SLC9D1: variants seen among roughly 807,000 people sequenced by gnomAD.
The protein encoded by SLC9D1 is solute carrier family 9 member D1, also known as putative LAG1-interacting protein.
the SLC9D1 span, among the ~76,000 whole-genome samples, chr13:113,525,263 T>G: frequency 6.4e-4 from 97 of 152,320 alleles, no homozygotes; most frequent in African/African-American, 2.3e-3. Flanking sequence ...CAATTCCTGT[T>G]GCCTAGTGAG....
At chr13:113,522,116 G>T in the SLC9D1 span, among the ~76,000 whole-genome samples, 1 of 152,134 alleles carries the variant, frequency 6.6e-6, no homozygotes, top group Non-Finnish European at 1.5e-5. Flanking sequence ...TGTTGAAAAA[G>T]ATTGTGTAAG....
the SLC9D1 span, chr13:113,520,673 T>C: frequency 3.7e-6 from 6 of 1,614,092 alleles, no homozygotes; most frequent in South Asian, 6.6e-5. Context: ...GACGTGCAGC[T>C]CGGGCTCTTC....
the SLC9D1 span, among the ~76,000 whole-genome samples, chr13:113,500,894 G>T: frequency 1.3e-5 from 2 of 152,188 alleles, no homozygotes; most frequent in Non-Finnish European, 2.9e-5. Flanking sequence ...TGGGGCTGCC[G>T]AGTGACTCTG....
chr13:113,532,373 A>G, the SLC9D1 span, among the ~76,000 whole-genome samples: 78 of 152,274 alleles, frequency 5.1e-4, 1 homozygote, highest in Non-Finnish European at 1.0e-3. Context: ...TGTTGGGAGA[A>G]GAGTCTAGGG....
At chr13:113,520,578 T>A in the SLC9D1 span, 2 of 1,456,912 alleles carry the variant, frequency 1.4e-6, no homozygotes, top group African/African-American at 2.8e-5. Flanking sequence ...TACTTTTGAG[T>A]TGTCGTAGAC....
At chr13:113,539,833 G>A in the SLC9D1 span, among the ~76,000 whole-genome samples, 1 of 152,148 alleles carries the variant, frequency 6.6e-6, no homozygotes, top group African/African-American at 2.4e-5. The surrounding 1 kb of genome is among the most constrained non-coding windows in gnomAD (Gnocchi z 4.8). Flanking sequence ...ATAAGCATAG[G>A]ACCCTCGGCA....
chr13:113,544,599 C>T, the SLC9D1 span, among the ~76,000 whole-genome samples: 5 of 152,226 alleles, frequency 3.3e-5, no homozygotes, highest in East Asian at 1.9e-4. Flanking sequence ...TCCTCCAGAC[C>T]GGGCACTCAA....
the SLC9D1 span, among the ~76,000 whole-genome samples, chr13:113,536,240 T>C: frequency 6.6e-6 from 1 of 151,792 alleles, no homozygotes; most frequent in East Asian, 1.9e-4. Context: ...TACCTGGGCA[T>C]GGTGGCGCCT....
At chr13:113,503,382 TG>T in the SLC9D1 span, 5 of 635,136 alleles carry the variant, frequency 7.9e-6, no homozygotes, top group Non-Finnish European at 8.4e-6. Context: ...TGTGTGTGTG[TG>T]TATGTGTGTT....
chr13:113,549,827 C>G, the SLC9D1 span: 1 of 576,538 alleles, frequency 1.7e-6, no homozygotes, highest in African/African-American at 1.9e-5. Flanking sequence ...TTTTTTTTTC[C>G]CTGAAATTAT....
At chr13:113,505,395 AG>A in the SLC9D1 span, 4 of 152,250 alleles carry the variant, frequency 2.6e-5, no homozygotes, top group Non-Finnish European at 5.9e-5. Flanking sequence ...TACCCACAAA[AG>A]GTTTCACCTC....
chr13:113,541,336 C>G, the SLC9D1 span, among the ~76,000 whole-genome samples: 1 of 134,390 alleles, frequency 7.4e-6, no homozygotes, highest in Non-Finnish European at 1.5e-5. Flanking sequence ...GTGTGGATGC[C>G]ATGCACACGA....
At chr13:113,519,104 C>T in the SLC9D1 span, among the ~76,000 whole-genome samples, 2 of 149,096 alleles carry the variant, frequency 1.3e-5, no homozygotes, top group South Asian at 2.1e-4. Flanking sequence ...AGTGCAGTGG[C>T]GTGATCTCAG....
chr13:113,507,550 A>G, the SLC9D1 span, among the ~76,000 whole-genome samples: 1 of 152,196 alleles, frequency 6.6e-6, no homozygotes, highest in Non-Finnish European at 1.5e-5. Flanking sequence ...TACTTGGAAC[A>G]CTGAAGCCCC....
the SLC9D1 span, among the ~76,000 whole-genome samples, chr13:113,494,535 C>A: frequency 6.6e-6 from 1 of 152,136 alleles, no homozygotes; most frequent in Non-Finnish European, 1.5e-5. Flanking sequence ...AGGTTCCTGT[C>A]TGTGCTGTGC....
At chr13:113,491,678 C>T in the SLC9D1 span, among the ~76,000 whole-genome samples, 1 of 152,204 alleles carries the variant, frequency 6.6e-6, no homozygotes, top group African/African-American at 2.4e-5. Flanking sequence ...CACGTTCTAA[C>T]CTGGAATGGA....
At chr13:113,539,333 A>G in the SLC9D1 span, 3 of 1,607,646 alleles carry the variant, frequency 1.9e-6, no homozygotes, top group East Asian at 6.7e-5. The surrounding 1 kb of genome is among the most constrained non-coding windows in gnomAD (Gnocchi z 4.8). Context: ...GGTCTCATGT[A>G]AAGCTGCGTC....
At chr13:113,523,535 C>T in the SLC9D1 span, among the ~76,000 whole-genome samples, 6 of 152,270 alleles carry the variant, frequency 3.9e-5, no homozygotes, top group East Asian at 9.7e-4. Flanking sequence ...TAACTTGCAT[C>T]ATCTTTGTCT....
At chr13:113,535,438 C>T in the SLC9D1 span, among the ~76,000 whole-genome samples, 1 of 152,278 alleles carries the variant, frequency 6.6e-6, no homozygotes, top group East Asian at 1.9e-4. The surrounding 1 kb of genome is among the most constrained non-coding windows in gnomAD (Gnocchi z 4.1). Context: ...CTGTTCAGCC[C>T]GGCAGGTGCT....
Sources: gnomAD v4.1 joint callset for allele counts (sites outside exome capture counted in the v4.1 genomes callset) on GRCh38, gnomAD v4.1.1 for gene constraint, Gnocchi (gnomAD v3.1) non-coding constraint, MANE v1.5 for transcripts, NCBI Gene and HGNC (gene_info 2026-07-23, HGNC 2026-07-21) for gene names.